The following DNAH12 variants were observed in gnomAD, a reference collection of about 807,000 sequenced individuals.
DNAH12 encodes the protein dynein axonemal heavy chain 12.
A neutral mutation model predicts 371.5 loss-of-function variants in DNAH12; 285 were observed. That is an observed-to-expected ratio of 0.77 (90% CI 0.70 to 0.85). The LOEUF is 0.85. DNAH12 is among the 40% of genes least tolerant of loss of function. The pLI is 0.00. For missense variants in DNAH12, 3,611 were observed against 3,689.4 expected (o/e 0.98, Z 0.55); for synonymous variants, 1,200 against 1,213.0 (o/e 0.99, Z 0.22).
chr3:57,516,290 C>G (rs970805735), intron 4 of DNAH12, among the ~76,000 whole-genome samples: 3 of 151,602 alleles, frequency 2.0e-5, no homozygotes, highest in African/African-American at 7.3e-5. Flanking sequence ...TCTCGAACTC[C>G]TGACCTTGTG....
At chr3:57,435,844 G>C (rs2065106119) in intron 30 of DNAH12, among the ~76,000 whole-genome samples, 1 of 144,768 alleles carries the variant, frequency 6.9e-6, no homozygotes, top group South Asian at 2.3e-4. Flanking sequence ...GAATGCATAA[G>C]GGTTGATTGT....
At chr3:57,361,432 TAC>T (rs1162520302) in intron 58 of DNAH12, among the ~76,000 whole-genome samples, 6 of 126,360 alleles carry the variant, frequency 4.7e-5, no homozygotes, top group South Asian at 4.7e-4. Flanking sequence ...TATATATATA[TAC>T]ACACACACAC....
At chr3:57,362,802 C>A (rs2062965693) in intron 58 of DNAH12, among the ~76,000 whole-genome samples, 1 of 152,152 alleles carries the variant, frequency 6.6e-6, no homozygotes, top group African/African-American at 2.4e-5. Flanking sequence ...TAAAAATTTT[C>A]TCCCATTCTG....
At chr3:57,396,163 AG>A (rs1328577240) in intron 43 of DNAH12, among the ~76,000 whole-genome samples, 3 of 150,928 alleles carry the variant, frequency 2.0e-5, no homozygotes, top group African/African-American at 7.3e-5. Flanking sequence ...CTGTAATCCC[AG>A]CTACTTGGGA....
chr3:57,428,041 G>A (rs897133141), intron 34 of DNAH12, among the ~76,000 whole-genome samples: 1 of 151,836 alleles, frequency 6.6e-6, no homozygotes, highest in African/African-American at 2.4e-5. Flanking sequence ...TGATTCTCCT[G>A]CCTCAGCCTC....
At chr3:57,489,759 A>T (rs568648037) in intron 11 of DNAH12, 72 bp from the exon 12 acceptor site, 1 of 1,348,704 alleles carries the variant, frequency 7.4e-7, no homozygotes, top group East Asian at 2.8e-5. Flanking sequence ...TTGTATTGTT[A>T]TGAAAGTCCT....
chr3:57,389,960 C>T (rs878900885), intron 45 of DNAH12, among the ~76,000 whole-genome samples: 77,137 of 146,542 alleles, frequency 0.53, 20,523 homozygotes, highest in East Asian at 0.6. Flanking sequence ...CTCAGCCTCC[C>T]GAGTAGCTGG....
chr3:57,533,866 G>C (rs896824672), intron 2 of DNAH12, among the ~76,000 whole-genome samples: 35 of 152,200 alleles, frequency 2.3e-4, no homozygotes, highest in Admixed American at 2.2e-3. Context: ...GCACCTGCTG[G>C]TGTCTCAGTA....
intron 69 of DNAH12, among the ~76,000 whole-genome samples, chr3:57,307,317 ACTC>A (rs1192271794): frequency 6.6e-6 from 1 of 150,860 alleles, no homozygotes; most frequent in Non-Finnish European, 1.5e-5. Flanking sequence ...TCCTTTCCCC[ACTC>A]CTCTTTCCAT....
Position 57,446,086 on chromosome 3 carries a change from G to A in DNAH12, c.4124C>T (p.Ala1375Val), listed in dbSNP as rs1247371789. The A allele has an allele frequency of 6.4e-7, 1 of 1,551,652 alleles. No individual in the cohort carries two copies. The highest frequency in any genetic ancestry group is 1.2e-5 in the South Asian group (1 of 84,060). ...TGCATAGCCAGGATTCATGGTAATA[G>A]CTACAAAACAATTCGGATTGAGCTT... ...ELKLNPNCFV[A>V]ITMNPGYAGR... Residue 1375 changes from alanine to valine, a missense_variant, in exon 27 of 74, where the codon GCT becomes GTT. Physicochemically the swap from Ala to Val is moderately conservative, Grantham distance 64. Around this residue, in one of 3 missense-constraint regions of DNAH12, gnomAD observed 2,266 missense variants for 2,236.9 expected, o/e 1.01. Coordinates refer to ENST00000495027, the MANE Select transcript of DNAH12 (RefSeq NM_001366028.2).
chr3:57,482,059 A>G (rs1472380368), intron 13 of DNAH12, among the ~76,000 whole-genome samples: 2 of 152,210 alleles, frequency 1.3e-5, no homozygotes, highest in African/African-American at 4.8e-5. Context: ...ACAAAAGCCA[A>G]AATTGACAAA....
intron 36 of DNAH12, among the ~76,000 whole-genome samples, chr3:57,420,935 GAAAT>G (rs1180583615): frequency 7.2e-6 from 1 of 138,310 alleles, no homozygotes. Context: ...AAAAAAGAAA[GAAAT>G]AAAGAATATG....
rs998931842 is a variant in DNAH12 at position 57,470,579 on chromosome 3, G to A, written c.1969C>T (p.Gln657Ter). 13 of 1,548,402 alleles carry A rather than the reference G, an allele frequency of 8.4e-6. No individual in the cohort carries two copies. Among genetic ancestry groups the A allele is most frequent in the Non-Finnish European group, 1.0e-5 (12 of 1,146,362 alleles). Residue 657 changes from glutamine (Q) to a stop codon, truncating the protein, a stop_gained, in exon 16 of 74, where the codon CAG (glutamine) becomes TAG (stop). Transcript: ENST00000495027. LOFTEE classifies it high-confidence loss of function. ...AGTTCCTCTTCTTTATTAATAAACT[G>A]CACTGCTTCTTCAGATTCCTGAATA... ...KRIQESEEAV[Q>*]FINKEEELFK...
chr3:57,428,893 T>C (rs2064867044), intron 33 of DNAH12, 72 bp from the exon 34 acceptor site: 5 of 1,369,108 alleles, frequency 3.7e-6, no homozygotes, highest in Non-Finnish European at 4.9e-6. Flanking sequence ...CAACTATTTC[T>C]TAAGATGACT....
chr3:57,482,352 C>G (rs1034943627), intron 13 of DNAH12, among the ~76,000 whole-genome samples: 1 of 152,058 alleles, frequency 6.6e-6, no homozygotes, highest in Admixed American at 6.6e-5. Context: ...CAAAGAAATG[C>G]AAATCAAAAC....
chr3:57,451,577 T>G (rs1164417242), intron 25 of DNAH12, among the ~76,000 whole-genome samples: 1 of 152,174 alleles, frequency 6.6e-6, no homozygotes, highest in Non-Finnish European at 1.5e-5. Context: ...TGGCAGAGGT[T>G]GCAGTGAGCC....
chr3:57,528,667 G>A lies in DNAH12; in HGVS notation c.171-4783C>T, dbSNP rs59778105. Among the ~76,000 whole-genome samples the A allele has an allele frequency of 1.7e-3, 254 of 150,420 alleles. 1 individual carries two copies. Among genetic ancestry groups the A allele is most frequent in the Non-Finnish European group, 1.1e-3 (76 of 67,572 alleles). ...CTTGAACCCGGGAGGCGGAGGTTGCGGTGAGCCGAGATCATGCCATTGCAC... is the reference window on the plus strand; with the variant it reads ...CTTGAACCCGGGAGGCGGAGGTTGCAGTGAGCCGAGATCATGCCATTGCAC... On this transcript the variant is annotated intron_variant, in intron 2 of 73. Coordinates refer to ENST00000495027, the MANE Select transcript of DNAH12 (RefSeq NM_001366028.2).
chr3:57,309,334 C>T, intron 68 of DNAH12, 80 bp from the exon 69 acceptor site: 1 of 1,125,258 alleles, frequency 8.9e-7, no homozygotes. Context: ...ATAATAATAG[C>T]TAATACTAGG....
At position 57,523,798 on chromosome 3, in the gene DNAH12, C is replaced by T; in HGVS notation, c.252+5G>A. The T allele has an allele frequency of 6.3e-7, 1 of 1,591,240 alleles. No homozygotes were observed. Among genetic ancestry groups the T allele is most frequent in the Non-Finnish European group, 8.5e-7 (1 of 1,171,978 alleles). ...AAACTTTTTAACGAGAAAACATAAA[C>T]TTACAGTTTGAGGATAATCAGGTGG... On this transcript the variant is annotated splice_donor_5th_base_variant and intron_variant, in intron 3 of 73. Coordinates refer to ENST00000495027, the MANE Select transcript of DNAH12 (RefSeq NM_001366028.2).
Sources: allele counts gnomAD v4.1 joint callset (sites outside exome capture counted in the v4.1 genomes callset), GRCh38; gene constraint gnomAD v4.1.1; regional missense constraint gnomAD v4.1.1; transcripts MANE v1.5; gene names NCBI Gene and HGNC (gene_info 2026-07-23, HGNC 2026-07-21).